DNAH7: variants seen among roughly 807,000 people sequenced by gnomAD.
DNAH7 encodes axonemal beta dynein heavy chain 7.
In DNAH7, 397 loss-of-function variants were observed where a neutral mutation model predicts 444.6. The observed-to-expected ratio is 0.89, with a 90% CI of 0.82 to 0.97. The LOEUF (loss-of-function observed/expected upper bound fraction) is 0.97. Ranked by LOEUF, DNAH7 falls within the 50% of genes least tolerant of loss-of-function variation. DNAH7 has a pLI of 0.00. For missense variants in DNAH7, 4,902 were observed against 4,800.8 expected, an observed-to-expected ratio of 1.02 and a Z score of -0.62; for synonymous variants, 1,636 against 1,624.4, an observed-to-expected ratio of 1.01 and a Z score of -0.17.
intron 63 of DNAH7, among the ~76,000 whole-genome samples, chr2:195,747,154 T>C (rs1693468968): frequency 6.6e-6 from 1 of 151,770 alleles, no homozygotes; most frequent in South Asian, 2.1e-4. Context: ...CAATAAAAAA[T>C]GATAAAGGGG....
At chr2:195,898,868 A>G (rs1440749433) in intron 28 of DNAH7, among the ~76,000 whole-genome samples, 1 of 152,224 alleles carries the variant, frequency 6.6e-6, no homozygotes, top group Non-Finnish European at 1.5e-5. Flanking sequence ...ACCTATAATA[A>G]TGTTCACATG....
rs556506471 is a variant in DNAH7, at chr2:195,964,876, CA to C, written c.2206-3932del. 4.5e-3 allele frequency among the ~76,000 whole-genome samples: 577 copies of C among 126,886 alleles called. 2 individuals are homozygous for C. The highest frequency in any genetic ancestry group is 0.014 in the East Asian group (61 of 4,266). 83.2% of individuals were successfully genotyped at this position (126,886 alleles called of 152,430 possible). ...TGGGTGACAGAGTGAGACTCCGTCT[CA>C]AAAAAAAAAAAAAAGTTCATATCAT... On this transcript the variant is annotated intron_variant, in intron 17 of 64. Transcript: ENST00000312428.
intron 24 of DNAH7, among the ~76,000 whole-genome samples, 179 bp from the exon 25 acceptor site, chr2:195,910,374 T>C (rs1319698320): frequency 6.6e-6 from 1 of 152,238 alleles, no homozygotes; most frequent in Non-Finnish European, 1.5e-5. Flanking sequence ...TGTTATTATA[T>C]TTTATTTCTG....
intron 37 of DNAH7, among the ~76,000 whole-genome samples, 163 bp from the exon 38 acceptor site, chr2:195,876,006 G>A (rs1701032730): frequency 6.6e-6 from 1 of 152,128 alleles, no homozygotes; most frequent in African/African-American, 2.4e-5. Context: ...TAGCTTCCAT[G>A]CTTTTAGGAT....
chr2:195,859,961 G>T (rs1024770994), intron 42 of DNAH7, among the ~76,000 whole-genome samples: 14 of 152,102 alleles, frequency 9.2e-5, no homozygotes, highest in Non-Finnish European at 1.6e-4. Flanking sequence ...TGGCTGTCGT[G>T]ATCTGAAGGC....
At chr2:196,005,301 A>G (rs894558953) in intron 10 of DNAH7, among the ~76,000 whole-genome samples, 1 of 149,558 alleles carries the variant, frequency 6.7e-6, no homozygotes, top group Non-Finnish European at 1.5e-5. Context: ...CAAACAAACA[A>G]ACAAAAATAT....
rs939794886 is a variant in DNAH7 at position 196,024,369 on chromosome 2, TATAAAC to T, written c.743+54_743+59del. ...ACATTTGAGAAAATATAATTGGTGA[TATAAAC>T]ATATACAGAAATGGTCACATAATCA... is the stretch of plus-strand genomic sequence containing the variant. On this transcript the variant is annotated intron_variant, in intron 8 of 64. Transcript: ENST00000312428. 4.7e-6 allele frequency: 5 copies of T among 1,072,460 alleles called. No homozygotes were observed. The African/African-American group carries it at 8.3e-5, about 18-fold the overall frequency. The allele number at this position is 1,072,460 out of a possible 1,614,324, so 66.4% of individuals were successfully genotyped here.
chr2:195,884,809 C>T lies in DNAH7; in HGVS notation c.5539G>A (p.Gly1847Ser), dbSNP rs780786967. The change falls in exon 35 of 65, where the codon GGC becomes AGC. Residue 1847 changes from glycine to serine, a missense_variant and splice_region_variant. Transcript: ENST00000312428. ...NDRETYSLLE[G>S]IFLFSLIWSV... ...CAGATCAATGAAAACAGAAAAATGC[C>T]CTGCATTGGACAGATGAGAAGATTA... The T allele has an allele frequency of 6.2e-7, 1 of 1,609,880 alleles. No individual in the cohort carries two copies. Among genetic ancestry groups the T allele is most frequent in the South Asian group, 1.1e-5 (1 of 90,880 alleles).
At chr2:195,949,942 G>A (rs779784335) in intron 19 of DNAH7, among the ~76,000 whole-genome samples, 53 of 152,264 alleles carry the variant, frequency 3.5e-4, no homozygotes, top group Middle Eastern at 3.4e-3. Context: ...TTGCATCCCA[G>A]GGATGAAACT....
chr2:196,058,003 A>G (rs1383193275), intron 2 of DNAH7, 51 bp downstream of exon 2: 3 of 1,330,068 alleles, frequency 2.3e-6, no homozygotes. Flanking sequence ...AAAAGTAGTA[A>G]ACAAACATTA....
chr2:196,006,036 A>G (rs531750375), intron 10 of DNAH7, among the ~76,000 whole-genome samples: 1 of 152,244 alleles, frequency 6.6e-6, no homozygotes, highest in African/African-American at 2.4e-5. Flanking sequence ...TTATATGATC[A>G]TATGTGATGG....
Position 196,048,416 on chromosome 2 carries a change from A to C in DNAH7, c.142-12T>G. The C allele has an allele frequency of 6.2e-7, 1 of 1,607,572 alleles. No individual in the cohort carries two copies. ...GGCTTTGTACTCACCTAAAATACAA[A>C]ATTTAAATAGCATTAACAAACAATA... On this transcript the variant is annotated splice_polypyrimidine_tract_variant and intron_variant, in intron 3 of 64. Coordinates refer to ENST00000312428, the MANE Select transcript of DNAH7 (RefSeq NM_018897.3).
intron 49 of DNAH7, among the ~76,000 whole-genome samples, chr2:195,819,884 G>T (rs887860105): frequency 6.6e-6 from 1 of 152,226 alleles, no homozygotes; most frequent in Non-Finnish European, 1.5e-5. Context: ...CTTATGTCCA[G>T]AGAGTTTGGT....
At position 195,884,644 on chromosome 2, in the gene DNAH7, C is replaced by CCT; in HGVS notation, c.5702_5703dup (p.Ala1902ArgfsTer3). On this transcript the variant is annotated frameshift_variant, in exon 35 of 65. Coordinates refer to ENST00000312428, the MANE Select transcript of DNAH7 (RefSeq NM_018897.3). LOFTEE classifies it high-confidence loss of function. The stretch of plus-strand genomic sequence containing the variant: ...TTTTCAGGAAATGGGACAGTTAGTG[C>CCT]CTTTGAGGATGTTTGCTCAGTACCA... 1 of 1,614,130 alleles carries CCT rather than the reference C, an allele frequency of 6.2e-7. No individual in the cohort carries two copies. The highest frequency in any genetic ancestry group is 1.3e-5 in the African/African-American group (1 of 75,038).
rs1039269498 is a variant in DNAH7, at chr2:195,756,077, G to A, written c.11586+56C>T. 33 of 1,526,120 alleles carry A rather than the reference G, an allele frequency of 2.2e-5. No individual in the cohort carries two copies. The African/African-American group carries it at 2.4e-4, about 11-fold the overall frequency. 94.5% of individuals were successfully genotyped at this position (1,526,120 alleles called of 1,614,324 possible). ...TACTCATTACATTAAGCATTCTGACGAAGAAAATGAAACCAGGAGAAACTT... is the reference window on the plus strand; with the variant it reads ...TACTCATTACATTAAGCATTCTGACAAAGAAAATGAAACCAGGAGAAACTT... On this transcript the variant is annotated intron_variant, in intron 62 of 64. Transcript: ENST00000312428.
rs73042533 is a variant in DNAH7, at chr2:195,975,492, T to A, written c.1834-3026A>T. On this transcript the variant is annotated intron_variant, in intron 15 of 64. Transcript: ENST00000312428. ...GCTCTAAACAACTTGAAAGGCAGTC[T>A]AGGCCACAAGAACTGCAACTCCTAG... Among the ~76,000 whole-genome samples the A allele has an allele frequency of 4.1e-3, 618 of 152,292 alleles. 5 individuals are homozygous for A. The highest frequency in any genetic ancestry group is 0.015 in the African/African-American group (603 of 41,572).
chr2:195,780,103 C>T (rs569432095), intron 58 of DNAH7, among the ~76,000 whole-genome samples: 1 of 152,210 alleles, frequency 6.6e-6, no homozygotes, highest in South Asian at 2.1e-4. Flanking sequence ...AGCATAAATA[C>T]TCACACACCC....
Position 195,972,232 on chromosome 2 carries a change from A to C in DNAH7, c.2058+10T>G. The C allele has an allele frequency of 6.3e-7, 1 of 1,596,564 alleles. No individual in the cohort carries two copies. Among genetic ancestry groups the C allele is most frequent in the Non-Finnish European group, 8.6e-7 (1 of 1,168,004 alleles). ...CCAGAAAATGAAAATAAAATATCTA[A>C]GATGCCAACCTTCAGACCTTCTTGA... On this transcript the variant is annotated intron_variant, in intron 16 of 64. Transcript: ENST00000312428.
At chr2:195,992,341 T>TGAA (rs889156585) in intron 12 of DNAH7, among the ~76,000 whole-genome samples, 1 of 152,206 alleles carries the variant, frequency 6.6e-6, no homozygotes, top group African/African-American at 2.4e-5. Context: ...AGGTGGAAGC[T>TGAA]GAAGAAGAAA....
Sources: gnomAD v4.1 joint callset for allele counts (sites outside exome capture counted in the v4.1 genomes callset) on GRCh38, gnomAD v4.1.1 for gene constraint, MANE v1.5 for transcripts, NCBI Gene and HGNC (gene_info 2026-07-23, HGNC 2026-07-21) for gene names.